Variants in KHDRBS2 observed in about 807,000 individuals in gnomAD.
KHDRBS2 encodes the protein KH RNA binding domain containing, signal transduction associated 2.
In KHDRBS2, 26 loss-of-function variants were observed where a neutral mutation model predicts 44.3. That is an observed-to-expected ratio of 0.59 (90% CI 0.43 to 0.81). The LOEUF (loss-of-function observed/expected upper bound fraction) is 0.81. Among genes scored for constraint, KHDRBS2 ranks in the 40% least tolerant of loss-of-function variants. The pLI is 0.00. For missense variants in KHDRBS2, 476 were observed against 433.1 expected, an observed-to-expected ratio of 1.10 and a Z score of -0.88; for synonymous variants, 194 against 151.1, an observed-to-expected ratio of 1.28 and a Z score of -2.08.
At chr6:62,013,190 G>C (rs1205259100) in intron 3 of KHDRBS2, among the ~76,000 whole-genome samples, 1 of 152,162 alleles carries the variant, frequency 6.6e-6, no homozygotes, top group Admixed American at 6.5e-5. Context: ...CAGTTGGAAA[G>C]TTATGAGCAT....
chr6:62,077,118 T>A (rs377397689), intron 2 of KHDRBS2, among the ~76,000 whole-genome samples: 1 of 152,062 alleles, frequency 6.6e-6, no homozygotes, highest in South Asian at 2.1e-4. Context: ...ATCTGTTGAA[T>A]TTATCATTGC....
the KHDRBS2 span, among the ~76,000 whole-genome samples, chr6:61,629,079 A>G: frequency 6.6e-6 from 1 of 152,178 alleles, no homozygotes; most frequent in Non-Finnish European, 1.5e-5. Flanking sequence ...TAGAGATAGC[A>G]TTGTCCATAT....
At chr6:61,701,993 T>C (rs115762115) in intron 7 of KHDRBS2, among the ~76,000 whole-genome samples, 1 of 151,996 alleles carries the variant, frequency 6.6e-6, no homozygotes, top group Non-Finnish European at 1.5e-5. Flanking sequence ...GATTTTGGAC[T>C]GGTTGCAGTA....
intron 6 of KHDRBS2, among the ~76,000 whole-genome samples, chr6:61,820,019 T>G (rs562294): frequency 0.58 from 88,116 of 151,866 alleles, 25,703 homozygotes; most frequent in South Asian, 0.68. Flanking sequence ...GAAGGTTCAT[T>G]AACTCGTGCA....
chr6:62,040,948 AG>A (rs1786351867), intron 3 of KHDRBS2, among the ~76,000 whole-genome samples: 1 of 152,156 alleles, frequency 6.6e-6, no homozygotes, highest in Admixed American at 6.5e-5. Context: ...CATTTTTAAA[AG>A]TTCCACAGAA....
At chr6:61,681,612 A>C (rs1766315668) in intron 8 of KHDRBS2, among the ~76,000 whole-genome samples, 1 of 150,460 alleles carries the variant, frequency 6.6e-6, no homozygotes, top group Non-Finnish European at 1.5e-5. Context: ...GAGTAGAAAA[A>C]ACCTTAAGCA....
the KHDRBS2 span, among the ~76,000 whole-genome samples, chr6:61,654,513 T>C: frequency 6.6e-6 from 1 of 151,896 alleles, no homozygotes; most frequent in African/African-American, 2.4e-5. Context: ...AAGTGACCTG[T>C]GTCAGACCTT....
At chr6:62,025,140 A>G (rs896784780) in intron 3 of KHDRBS2, among the ~76,000 whole-genome samples, 1 of 151,758 alleles carries the variant, frequency 6.6e-6, no homozygotes, top group African/African-American at 2.4e-5. Flanking sequence ...AAATTAGTAT[A>G]CTTAATGAAA....
chr6:62,264,218 A>C (rs1418235076), intron 1 of KHDRBS2, among the ~76,000 whole-genome samples: 1 of 151,826 alleles, frequency 6.6e-6, no homozygotes, highest in Non-Finnish European at 1.5e-5. Flanking sequence ...TTGAAAAAAT[A>C]CTAACTGATC....
At chr6:61,555,951 C>T in the KHDRBS2 span, among the ~76,000 whole-genome samples, 38 of 152,206 alleles carry the variant, frequency 2.5e-4, no homozygotes, top group African/African-American at 5.3e-4. Flanking sequence ...ACAGTGTTAG[C>T]CAAAGCAATT....
chr6:62,242,004 T>C (rs1834760662), intron 1 of KHDRBS2, among the ~76,000 whole-genome samples: 1 of 152,194 alleles, frequency 6.6e-6, no homozygotes, highest in African/African-American at 2.4e-5. Flanking sequence ...CTTACAGATT[T>C]TTGACATGAC....
chr6:62,196,988 G>C (rs1202915961), intron 1 of KHDRBS2, among the ~76,000 whole-genome samples: 2 of 151,968 alleles, frequency 1.3e-5, no homozygotes, highest in Non-Finnish European at 2.9e-5. Flanking sequence ...AGTCTACTTT[G>C]CCCTCTAGCA....
chr6:61,592,926 C>T, the KHDRBS2 span, among the ~76,000 whole-genome samples: 1 of 152,118 alleles, frequency 6.6e-6, no homozygotes, highest in Non-Finnish European at 1.5e-5. Context: ...AGTTGAGTCC[C>T]ATTCCAGGAG....
chr6:61,614,803 T>C, the KHDRBS2 span, among the ~76,000 whole-genome samples: 1 of 152,180 alleles, frequency 6.6e-6, no homozygotes, highest in East Asian at 1.9e-4. Flanking sequence ...GGTATGACCT[T>C]GGTTTGGCTC....
At chr6:61,743,771 T>TCC (rs528609380) in intron 6 of KHDRBS2, among the ~76,000 whole-genome samples, 2,530 of 125,070 alleles carry the variant, frequency 0.02, 39 homozygotes, top group Middle Eastern at 0.035. Context: ...CTTAATGCTA[T>TCC]CCCCCCCCTC....
intron 6 of KHDRBS2, among the ~76,000 whole-genome samples, chr6:61,831,084 A>G (rs1358349965): frequency 6.6e-6 from 1 of 152,162 alleles, no homozygotes; most frequent in Non-Finnish European, 1.5e-5. Flanking sequence ...ACTGAACATA[A>G]TAACAGGTCA....
intron 1 of KHDRBS2, among the ~76,000 whole-genome samples, chr6:62,234,845 T>TA (rs1833448486): frequency 6.6e-6 from 1 of 151,926 alleles, no homozygotes. Context: ...TGACAAAGAT[T>TA]AAAACTGAGC....
At chr6:62,061,472 TC>T (rs1791856634) in intron 2 of KHDRBS2, among the ~76,000 whole-genome samples, 3 of 150,946 alleles carry the variant, frequency 2.0e-5, no homozygotes, top group African/African-American at 7.3e-5. Flanking sequence ...GGTTCAAAAT[TC>T]TTTTCTTTAA....
At chr6:61,869,982 T>TG (rs1562339580) in intron 6 of KHDRBS2, among the ~76,000 whole-genome samples, 1 of 148,688 alleles carries the variant, frequency 6.7e-6, no homozygotes, top group Admixed American at 6.7e-5. Context: ...TTTTTTTTTT[T>TG]TTTTTCCCCA....
Sources: gnomAD v4.1 joint callset for allele counts (sites outside exome capture counted in the v4.1 genomes callset) on GRCh38, gnomAD v4.1.1 for gene constraint, MANE v1.5 for transcripts, NCBI Gene and HGNC (gene_info 2026-07-23, HGNC 2026-07-21) for gene names.